Variants in CCSER1 observed in about 807,000 individuals in gnomAD.
The protein encoded by CCSER1 is serine-rich coiled-coil domain-containing protein 1.
In CCSER1, 41 loss-of-function variants were observed where a neutral mutation model predicts 82.0. The ratio of observed to expected loss-of-function variants is 0.50; its 90% CI spans 0.39 to 0.65. The LOEUF is 0.65. CCSER1 is among the 30% of genes least tolerant of loss of function. The pLI is 0.00. For missense variants in CCSER1, 1,119 were observed against 1,064.2 expected (o/e 1.05, Z -0.72); for synonymous variants, 414 against 383.9 (o/e 1.08, Z -0.92).
At chr4:90,394,957 C>A (rs116290299) in intron 3 of CCSER1, among the ~76,000 whole-genome samples, 3,535 of 152,244 alleles carry the variant, frequency 0.023, 146 homozygotes, top group African/African-American at 0.081. Context: ...ACTTTCTCAG[C>A]AATTTTCAAG....
chr4:91,135,620 C>G (rs948994318), intron 10 of CCSER1, among the ~76,000 whole-genome samples: 9 of 151,976 alleles, frequency 5.9e-5, no homozygotes, highest in Non-Finnish European at 1.5e-5. Context: ...TCAACTGATT[C>G]ATTAAGAAAT....
intron 10 of CCSER1, among the ~76,000 whole-genome samples, chr4:91,247,715 A>G (rs895785600): frequency 6.6e-6 from 1 of 152,062 alleles, no homozygotes; most frequent in Non-Finnish European, 1.5e-5. Context: ...TGAAAATATA[A>G]AAAATTAGCC....
At chr4:91,569,596 G>A (rs933952709) in intron 10 of CCSER1, among the ~76,000 whole-genome samples, 2 of 152,244 alleles carry the variant, frequency 1.3e-5, no homozygotes, top group South Asian at 2.1e-4. Context: ...ATGAGTGCCA[G>A]CAGGGTAAAT....
chr4:90,658,886 T>C (rs949706407), intron 6 of CCSER1, among the ~76,000 whole-genome samples: 1 of 152,326 alleles, frequency 6.6e-6, no homozygotes, highest in Admixed American at 6.5e-5. Context: ...TGGTGACATC[T>C]GTAGTTATAT....
In CCSER1 at chr4:91,416,630, C is replaced by T. The variant is rs548165433; in HGVS notation, c.2218-181942C>T. Among the ~76,000 whole-genome samples the T allele has an allele frequency of 5.9e-5, 9 of 152,212 alleles. No homozygotes were observed. The South Asian group carries it at 1.9e-3, about 32-fold the overall frequency. On this transcript the variant is annotated intron_variant, in intron 10 of 10. Transcript: ENST00000509176. Reference sequence around the variant, plus strand: ...AGGATTCCCTATTTAATAAGTGGTGCCGGGAGAACTGGCTAGCCATATGCA... The same window carrying T: ...AGGATTCCCTATTTAATAAGTGGTGTCGGGAGAACTGGCTAGCCATATGCA...
chr4:90,343,434 C>T (rs367662913), intron 3 of CCSER1, among the ~76,000 whole-genome samples: 1 of 151,956 alleles, frequency 6.6e-6, no homozygotes, highest in East Asian at 1.9e-4. Flanking sequence ...CTGGCCGACA[C>T]GGTGAAACCC....
intron 1 of CCSER1, among the ~76,000 whole-genome samples, chr4:90,141,020 A>ATTATCTATCTATC (rs146218548): frequency 4.2e-4 from 62 of 145,984 alleles, no homozygotes; most frequent in Middle Eastern, 3.5e-3. Context: ...ACCCAGCAAG[A>ATTATCTATCTATC]TATCTATCTA....
chr4:90,271,076 T>C (rs1200023980), intron 1 of CCSER1, among the ~76,000 whole-genome samples: 1 of 152,098 alleles, frequency 6.6e-6, no homozygotes, highest in Non-Finnish European at 1.5e-5. Context: ...CACATCAATC[T>C]ACAGATTTAA....
At chr4:90,770,708 ACT>A (rs377053302) in intron 7 of CCSER1, among the ~76,000 whole-genome samples, 30 of 151,484 alleles carry the variant, frequency 2.0e-4, no homozygotes, top group African/African-American at 7.3e-4. Flanking sequence ...TTTCACTAGC[ACT>A]CTCTCTCACT....
chr4:90,615,142 GCT>G lies in CCSER1; in HGVS notation c.1725-12881_1725-12880del, dbSNP rs149040073. Among the ~76,000 whole-genome samples, 123 of 150,206 alleles carry G rather than the reference GCT, an allele frequency of 8.2e-4. 1 individual carries two copies. The East Asian group carries it at 0.017, about 21-fold the overall frequency. On this transcript the variant is annotated intron_variant, in intron 5 of 10. Transcript: ENST00000509176. ...TTTAAGCCCACTGTTGAAACCTACT[GCT>G]CAGAAAAAAACAAGATTTCTTTAAA...
intron 10 of CCSER1, among the ~76,000 whole-genome samples, chr4:91,508,177 T>TCCGGG (rs1759621563): frequency 6.8e-6 from 1 of 147,212 alleles, no homozygotes; most frequent in African/African-American, 2.5e-5. Flanking sequence ...TTTTTTTTTT[T>TCCGGG]TTCCTGATCT....
intron 10 of CCSER1, among the ~76,000 whole-genome samples, chr4:91,557,723 C>A (rs761934857): frequency 1.3e-5 from 2 of 150,970 alleles, no homozygotes; most frequent in Non-Finnish European, 3.0e-5. Context: ...TTTACAGGAG[C>A]CCAGAGTGAA....
rs886837267 is a variant in CCSER1 at position 91,249,241 on chromosome 4, G to T, written c.2217+163247G>T. 2.6e-5 allele frequency among the ~76,000 whole-genome samples: 4 copies of T among 152,182 alleles called. No individual in the cohort carries two copies. The South Asian group carries it at 8.3e-4, about 32-fold the overall frequency. ...TTAAGCCATTTCTATGTTTTTAGTT[G>T]TCACATGTTTTGAAAGACTGTGACA... On this transcript the variant is annotated intron_variant, in intron 10 of 10. Coordinates refer to ENST00000509176, the MANE Select transcript of CCSER1 (RefSeq NM_001145065.2).
At chr4:91,280,673 G>A (rs966109439) in intron 10 of CCSER1, among the ~76,000 whole-genome samples, 1 of 152,112 alleles carries the variant, frequency 6.6e-6, no homozygotes, top group Non-Finnish European at 1.5e-5. Flanking sequence ...TGAGAGCATC[G>A]GCCACAGGTG....
At chr4:91,488,732 G>A (rs908530275) in intron 10 of CCSER1, among the ~76,000 whole-genome samples, 1 of 152,132 alleles carries the variant, frequency 6.6e-6, no homozygotes, top group Non-Finnish European at 1.5e-5. Flanking sequence ...TATACAGGCT[G>A]CAAAATCATG....
chr4:90,715,646 G>A (rs1203548196), intron 6 of CCSER1, among the ~76,000 whole-genome samples: 1 of 151,976 alleles, frequency 6.6e-6, no homozygotes, highest in Non-Finnish European at 1.5e-5. Flanking sequence ...GATTTCAGGA[G>A]GGTGAACCAG....
chr4:90,941,799 C>T (rs561193302), intron 9 of CCSER1, among the ~76,000 whole-genome samples: 1 of 152,258 alleles, frequency 6.6e-6, no homozygotes, highest in East Asian at 1.9e-4. Context: ...GTTTCATTTG[C>T]TATATTTACT....
At chr4:91,219,495 G>C (rs1737565005) in intron 10 of CCSER1, among the ~76,000 whole-genome samples, 1 of 151,866 alleles carries the variant, frequency 6.6e-6, no homozygotes, top group African/African-American at 2.4e-5. Context: ...TAGAGATGGG[G>C]TTTCACCATG....
At chr4:91,378,909 T>G (rs1027390224) in intron 10 of CCSER1, among the ~76,000 whole-genome samples, 5 of 152,294 alleles carry the variant, frequency 3.3e-5, no homozygotes, top group African/African-American at 1.2e-4. Context: ...GCTCTTATTA[T>G]TTTGAGATAT....
Sources: gnomAD v4.1 joint callset for allele counts (sites outside exome capture counted in the v4.1 genomes callset) on GRCh38, gnomAD v4.1.1 for gene constraint, MANE v1.5 for transcripts, NCBI Gene and HGNC (gene_info 2026-07-23, HGNC 2026-07-21) for gene names.